The following WWOX variants were observed in gnomAD, a reference collection of about 807,000 sequenced individuals.
WWOX encodes WW domain-containing oxidoreductase.
In WWOX, 69 loss-of-function variants were observed where a neutral mutation model predicts 46.2. The observed-to-expected ratio is 1.49, with a 90% CI of 1.23 to 1.82. The LOEUF is 1.82. WWOX is among the 40% of genes most tolerant of loss of function. WWOX has a pLI of 0.00. For missense variants in WWOX, 919 were observed against 542.6 expected (o/e 1.69, Z -6.89); for synonymous variants, 359 against 202.6 (o/e 1.77, Z -6.56).
intron 8 of WWOX, among the ~76,000 whole-genome samples, chr16:78,975,267 G>T (rs1226753822): frequency 6.6e-6 from 1 of 152,196 alleles, no homozygotes; most frequent in Non-Finnish European, 1.5e-5. Flanking sequence ...GTGTGGCAAT[G>T]TCTAGAGACA....
intron 4 of WWOX, among the ~76,000 whole-genome samples, chr16:78,136,107 G>A (rs1465740636): frequency 2.0e-5 from 3 of 152,094 alleles, no homozygotes; most frequent in East Asian, 3.8e-4. Flanking sequence ...ACACATGGTT[G>A]GTTAGCCAAG....
intron 8 of WWOX, among the ~76,000 whole-genome samples, chr16:78,753,546 T>C: frequency 6.6e-6 from 1 of 151,908 alleles, no homozygotes; most frequent in Non-Finnish European, 1.5e-5. Flanking sequence ...ATGCCTGTAA[T>C]CCCATCACAT....
At chr16:78,602,558 A>G (rs2045646676) in intron 8 of WWOX, among the ~76,000 whole-genome samples, 1 of 152,156 alleles carries the variant, frequency 6.6e-6, no homozygotes, top group Non-Finnish European at 1.5e-5. Context: ...TATTTGGCTG[A>G]CAACGAAAGC....
chr16:78,674,622 C>G (rs1017375295), intron 8 of WWOX, among the ~76,000 whole-genome samples: 1 of 152,094 alleles, frequency 6.6e-6, no homozygotes, highest in Admixed American at 6.6e-5. Flanking sequence ...TTCTCCTAAC[C>G]ACTAGGTTCC....
intron 8 of WWOX, among the ~76,000 whole-genome samples, chr16:78,945,663 A>G (rs11646571): frequency 0.64 from 97,252 of 151,818 alleles, 32,279 homozygotes; most frequent in Middle Eastern, 0.73. Flanking sequence ...TTAAGTTGGC[A>G]TCTTTTTTTC....
rs144116736 is a variant in WWOX at position 79,069,970 on chromosome 16, C to A, written c.1057-141638C>A. On this transcript the variant is annotated intron_variant, in intron 8 of 8. Coordinates refer to ENST00000566780, the MANE Select transcript of WWOX (RefSeq NM_016373.4). ...CATATTTAAGGATGTTCAAGGCAACCAATTAGTATTCAAGCATTTAGAATT... is the reference window on the plus strand; with the variant it reads ...CATATTTAAGGATGTTCAAGGCAACAAATTAGTATTCAAGCATTTAGAATT... 2.8e-3 allele frequency among the ~76,000 whole-genome samples: 433 copies of A among 152,282 alleles called. 4 individuals are homozygous for A. Among genetic ancestry groups the A allele is most frequent in the African/African-American group, 9.8e-3 (407 of 41,550 alleles).
intron 5 of WWOX, among the ~76,000 whole-genome samples, chr16:78,214,237 C>G (rs1047663335): frequency 6.6e-6 from 1 of 152,176 alleles, no homozygotes; most frequent in Non-Finnish European, 1.5e-5. Flanking sequence ...TGAGTGCTTT[C>G]AAGATCAGAC....
At chr16:79,109,764 C>T (rs1037364590) in intron 8 of WWOX, among the ~76,000 whole-genome samples, 2 of 152,128 alleles carry the variant, frequency 1.3e-5, no homozygotes, top group East Asian at 3.9e-4. Flanking sequence ...TCTGAGCGTT[C>T]GCATCAGATA....
chr16:78,510,650 T>C (rs1003166253), intron 8 of WWOX, among the ~76,000 whole-genome samples: 29 of 152,250 alleles, frequency 1.9e-4, no homozygotes, highest in African/African-American at 6.5e-4. Flanking sequence ...TGAGAATCAA[T>C]TGGCTCTGTG....
intron 6 of WWOX, among the ~76,000 whole-genome samples, chr16:78,402,585 TGAA>T (rs2089955196): frequency 6.6e-6 from 1 of 152,100 alleles, no homozygotes; most frequent in Non-Finnish European, 1.5e-5. Context: ...GAGCCCCTCT[TGAA>T]GGAGAGTTCC....
At chr16:79,144,645 C>T (rs115960335) in intron 8 of WWOX, among the ~76,000 whole-genome samples, 69 of 152,202 alleles carry the variant, frequency 4.5e-4, no homozygotes, top group African/African-American at 1.5e-3. Flanking sequence ...CGACTTTTGA[C>T]TTTATAATAT....
intron 8 of WWOX, among the ~76,000 whole-genome samples, chr16:78,775,440 T>C (rs1236036050): frequency 2.0e-5 from 3 of 152,144 alleles, no homozygotes; most frequent in Non-Finnish European, 4.4e-5. Flanking sequence ...GCTTGTCTAC[T>C]CCAAGAACTG....
intron 8 of WWOX, among the ~76,000 whole-genome samples, chr16:78,856,377 T>C (rs7197143): frequency 0.19 from 29,522 of 152,214 alleles, 3,220 homozygotes; most frequent in South Asian, 0.32. Context: ...GCACAGTGGC[T>C]CACGCCTGTA....
intron 8 of WWOX, among the ~76,000 whole-genome samples, chr16:79,183,269 AG>A (rs1402300793): frequency 6.6e-6 from 1 of 152,198 alleles, no homozygotes; most frequent in Non-Finnish European, 1.5e-5. Context: ...TACAAGGTCA[AG>A]GCTCCCTGTG....
At chr16:78,120,856 A>G (rs2033059761) in intron 4 of WWOX, among the ~76,000 whole-genome samples, 1 of 152,174 alleles carries the variant, frequency 6.6e-6, no homozygotes. Flanking sequence ...CATTCCTAAG[A>G]TTTTAAATCC....
At chr16:78,600,969 T>A (rs1301088568) in intron 8 of WWOX, among the ~76,000 whole-genome samples, 2 of 152,146 alleles carry the variant, frequency 1.3e-5, no homozygotes, top group Non-Finnish European at 2.9e-5. Context: ...CTGCCTTTCC[T>A]ACTAGAGCTT....
intron 8 of WWOX, among the ~76,000 whole-genome samples, chr16:78,959,615 A>T (rs533188535): frequency 4.5e-4 from 68 of 152,262 alleles, no homozygotes; most frequent in Admixed American, 1.6e-3. Flanking sequence ...TCTCAGTGTG[A>T]TAGGAAGGCC....
intron 8 of WWOX, among the ~76,000 whole-genome samples, chr16:78,639,715 C>T (rs2046657834): frequency 6.6e-6 from 1 of 152,080 alleles, no homozygotes; most frequent in Non-Finnish European, 1.5e-5. Context: ...AGGTGCCCGC[C>T]ACCACGCCCA....
intron 8 of WWOX, among the ~76,000 whole-genome samples, chr16:78,677,492 C>T (rs564441752): frequency 1.3e-5 from 2 of 152,302 alleles, no homozygotes; most frequent in East Asian, 3.9e-4. Flanking sequence ...ACAGGTCAAA[C>T]ATCCTGAGCC....
Sources: gnomAD v4.1 joint callset for allele counts (sites outside exome capture counted in the v4.1 genomes callset) on GRCh38, gnomAD v4.1.1 for gene constraint, MANE v1.5 for transcripts, NCBI Gene and HGNC (gene_info 2026-07-23, HGNC 2026-07-21) for gene names.